The following ATAD2 variants were observed in gnomAD, a reference collection of about 807,000 sequenced individuals.
The protein encoded by ATAD2 is ATPase family AAA domain containing 2.
A neutral mutation model predicts 168.9 loss-of-function variants in ATAD2; 62 were observed. That is an observed-to-expected ratio of 0.37 (90% CI 0.30 to 0.45). ATAD2 has a LOEUF of 0.45. Among genes scored for constraint, ATAD2 ranks in the 20% least tolerant of loss-of-function variants. ATAD2 has a pLI of 1.00. For missense variants in ATAD2, 1,419 were observed against 1,667.8 expected (o/e 0.85, Z 2.60); for synonymous variants, 613 against 571.6 (o/e 1.07, Z -1.03).
At chr8:123,346,474 A>G in intron 17 of ATAD2, 144 bp downstream of exon 17, 1 of 999,678 alleles carries the variant, frequency 1.0e-6, no homozygotes, top group Non-Finnish European at 1.4e-6. Flanking sequence ...TACTGTTGTG[A>G]CAACTGTAAC....
intron 20 of ATAD2, among the ~76,000 whole-genome samples, chr8:123,338,318 G>A (rs1435961594): frequency 1.3e-5 from 2 of 151,074 alleles, no homozygotes; most frequent in Non-Finnish European, 2.9e-5. Flanking sequence ...TCGTGCCACT[G>A]CACTCCAGCC....
At chr8:123,385,693 C>T (rs919766245) in intron 1 of ATAD2, among the ~76,000 whole-genome samples, 7 of 151,890 alleles carry the variant, frequency 4.6e-5, no homozygotes, top group African/African-American at 1.7e-4. Flanking sequence ...ATAAAGAACA[C>T]TATCAACAGA....
At chr8:123,334,375 C>T (rs758321691) in intron 22 of ATAD2, 53 bp from the exon 23 acceptor site, 2 of 1,426,414 alleles carry the variant, frequency 1.4e-6, no homozygotes, top group East Asian at 2.4e-5. Flanking sequence ...TAATAATATA[C>T]CAAAAATAAA....
Position 123,347,261 on chromosome 8 carries a change from T to G in ATAD2, c.2043A>C (p.Val681=), listed in dbSNP as rs759673762. The G allele has an allele frequency of 1.9e-6, 3 of 1,614,018 alleles. No homozygotes were observed. In the African/African-American group the frequency reaches 4.0e-5, roughly 22 times the overall value. ...AGGCTGGTATCATCTTTTGCATAGC[T>G]ACCTCGAAATCCTTAGCTGAGATAT... ...SINISAKDFE[V]AMQKMIPASQ... Residue 681 remains valine (V), a synonymous_variant, in exon 16 of 28, where the codon GTA becomes GTC. Transcript: ENST00000287394.
intron 4 of ATAD2, 113 bp from the exon 5 acceptor site, chr8:123,371,451 A>G (rs1426079327): frequency 1.0e-5 from 9 of 890,914 alleles, no homozygotes; most frequent in Non-Finnish European, 1.5e-5. Context: ...AAATATTTTT[A>G]TAAGAAGCAT....
intron 19 of ATAD2, among the ~76,000 whole-genome samples, chr8:123,343,116 C>G (rs1479597643): frequency 2.6e-5 from 4 of 151,934 alleles, no homozygotes; most frequent in Non-Finnish European, 4.4e-5. Context: ...TCCCGAGTAA[C>G]TGGGATTACG....
intron 1 of ATAD2, among the ~76,000 whole-genome samples, chr8:123,389,578 T>C (rs1829753955): frequency 6.6e-6 from 1 of 151,366 alleles, no homozygotes; most frequent in Non-Finnish European, 1.5e-5. Context: ...AGGAGGAGCT[T>C]GCAGTGAGCC....
intron 1 of ATAD2, among the ~76,000 whole-genome samples, chr8:123,392,801 C>A (rs182650550): frequency 8.1e-4 from 124 of 152,182 alleles, no homozygotes; most frequent in African/African-American, 2.6e-3. Context: ...TGCAGGGATG[C>A]TTAGGGCTGC....
chr8:123,401,324 G>C, upstream of ATAD2: 1 of 1,365,726 alleles, frequency 7.3e-7, no homozygotes, highest in Non-Finnish European at 1.0e-6. Context: ...GCAGCTGTGG[G>C]CACCTGTGAG....
At chr8:123,381,393 T>C (rs897615939) in intron 1 of ATAD2, among the ~76,000 whole-genome samples, 4 of 152,030 alleles carry the variant, frequency 2.6e-5, no homozygotes, top group Non-Finnish European at 5.9e-5. Flanking sequence ...CCCAGTTACT[T>C]GGTAGGCTGA....
intron 8 of ATAD2, among the ~76,000 whole-genome samples, chr8:123,365,124 T>C (rs2129693410): frequency 6.6e-6 from 1 of 152,216 alleles, no homozygotes; most frequent in Non-Finnish European, 1.5e-5. Flanking sequence ...AGGTCTACTA[T>C]ATACCAACAG....
At chr8:123,358,723 C>CTTTTTTTTTTTTTTTTTTTTT (rs772822406) in intron 11 of ATAD2, among the ~76,000 whole-genome samples, 1 of 76,842 alleles carries the variant, frequency 1.3e-5, no homozygotes, top group African/African-American at 5.3e-5. Context: ...TGGTACATTA[C>CTTTTTTTTTTTTTTTTTTTTT]TTTTTTTTTT....
intron 1 of ATAD2, among the ~76,000 whole-genome samples, chr8:123,392,315 G>A (rs1424564150): frequency 6.6e-6 from 1 of 152,152 alleles, no homozygotes; most frequent in Non-Finnish European, 1.5e-5. Context: ...AGTGCTAGGA[G>A]AGGCATGTCA....
chr8:123,385,576 G>T (rs1028614944), intron 1 of ATAD2, among the ~76,000 whole-genome samples: 6 of 152,072 alleles, frequency 3.9e-5, no homozygotes, highest in African/African-American at 1.4e-4. Flanking sequence ...ACTCTTAGGA[G>T]AAAACAGCAT....
chr8:123,386,691 A>G (rs1829655075), intron 1 of ATAD2, among the ~76,000 whole-genome samples: 1 of 152,202 alleles, frequency 6.6e-6, no homozygotes, highest in Non-Finnish European at 1.5e-5. Flanking sequence ...ACATTAAAAA[A>G]GAAAATAAAT....
chr8:123,407,532 G>A (rs1813083679), intron 1 of ATAD2, among the ~76,000 whole-genome samples: 1 of 151,358 alleles, frequency 6.6e-6, no homozygotes, highest in African/African-American at 2.4e-5. Flanking sequence ...AAGTCCAGCT[G>A]GGCCAACATG....
At chr8:123,353,171 T>C (rs1357866603) in intron 13 of ATAD2, among the ~76,000 whole-genome samples, 1 of 151,966 alleles carries the variant, frequency 6.6e-6, no homozygotes, top group Non-Finnish European at 1.5e-5. Flanking sequence ...CAAGACCAGC[T>C]TGGCCAAAAT....
rs1827447721 is a variant in ATAD2, at chr8:123,320,855, T to C, written c.*279A>G. 1 of 335,338 alleles carries C rather than the reference T, an allele frequency of 3.0e-6. No homozygotes were observed. The highest frequency in any genetic ancestry group is 2.2e-5 in the African/African-American group (1 of 46,320). 20.8% of individuals were successfully genotyped at this position (335,338 alleles called of 1,614,324 possible). A position where few individuals can be genotyped will look rare whatever the true frequency, so the allele number is the denominator to read the frequency against. ...ATTCTTAAGTGCCATAAAACATTAGTTACCAAAATAACTTTATTAAGAGTT... is the reference window on the plus strand; with the variant it reads ...ATTCTTAAGTGCCATAAAACATTAGCTACCAAAATAACTTTATTAAGAGTT... On this transcript the variant is annotated 3_prime_UTR_variant, in exon 28 of 28. Transcript: ENST00000287394.
At chr8:123,382,768 A>T (rs564781547) in intron 1 of ATAD2, among the ~76,000 whole-genome samples, 1 of 152,344 alleles carries the variant, frequency 6.6e-6, no homozygotes, top group Non-Finnish European at 1.5e-5. Flanking sequence ...TAGTTCAACC[A>T]TTGTGGAAGA....
Sources: gnomAD v4.1 joint callset for allele counts (sites outside exome capture counted in the v4.1 genomes callset) on GRCh38, gnomAD v4.1.1 for gene constraint, MANE v1.5 for transcripts, NCBI Gene and HGNC (gene_info 2026-07-23, HGNC 2026-07-21) for gene names.